SLC24A2: variants seen among roughly 807,000 people sequenced by gnomAD.
The protein encoded by SLC24A2 is sodium/potassium/calcium exchanger 2.
Under a neutral mutation model 62.0 loss-of-function variants are expected in SLC24A2, and 36 were observed. The ratio of observed to expected loss-of-function variants is 0.58; its 90% CI spans 0.44 to 0.77. The LOEUF (loss-of-function observed/expected upper bound fraction) is 0.77, where lower values mean the gene tolerates loss of function less well. Among genes scored for constraint, SLC24A2 ranks in the 30% least tolerant of loss-of-function variants. The probability of loss-of-function intolerance (pLI) is 0.00; values close to 1 mark genes in which losing one functional copy is unlikely to be tolerated. For synonymous variants in SLC24A2, 358 were observed against 294.0 expected (o/e 1.22, Z -2.23); for missense variants, 846 against 817.9 (o/e 1.03, Z -0.42).
At chr9:19,757,440 C>T (rs1215496323) in intron 2 of SLC24A2, among the ~76,000 whole-genome samples, 1 of 152,144 alleles carries the variant, frequency 6.6e-6, no homozygotes, top group Non-Finnish European at 1.5e-5. Flanking sequence ...CTTTCTCCTC[C>T]TCCTCCTTTG....
chr9:19,953,943 T>G, the SLC24A2 span, among the ~76,000 whole-genome samples: 1 of 152,016 alleles, frequency 6.6e-6, no homozygotes, highest in African/African-American at 2.4e-5. Flanking sequence ...ACTGTCCTAT[T>G]GATATTGAAT....
At chr9:20,274,885 G>C in the SLC24A2 span, among the ~76,000 whole-genome samples, 1 of 152,064 alleles carries the variant, frequency 6.6e-6, no homozygotes, top group African/African-American at 2.4e-5. Context: ...CTAGACATCA[G>C]TCACTGTGCC....
the SLC24A2 span, among the ~76,000 whole-genome samples, chr9:20,069,492 C>G: frequency 6.6e-6 from 1 of 152,096 alleles, no homozygotes; most frequent in Admixed American, 6.6e-5. Context: ...TGTCCTAAAG[C>G]AAATACTTGT....
chr9:19,573,519 CACACACACACAG>C (rs1296022733), intron 6 of SLC24A2, 50 bp from the exon 7 acceptor site: 13 of 320,732 alleles, frequency 4.1e-5, no homozygotes, highest in African/African-American at 3.5e-4. Flanking sequence ...CACACACACA[CACACACACACAG>C]AGAGAGAGAG....
At chr9:20,250,216 A>G in the SLC24A2 span, among the ~76,000 whole-genome samples, 1 of 152,218 alleles carries the variant, frequency 6.6e-6, no homozygotes, top group East Asian at 1.9e-4. Flanking sequence ...TGAGACTAGA[A>G]TAATAAATCA....
At chr9:19,768,438 T>G (rs763970298) in intron 2 of SLC24A2, among the ~76,000 whole-genome samples, 2 of 152,170 alleles carry the variant, frequency 1.3e-5, no homozygotes, top group African/African-American at 4.8e-5. Flanking sequence ...TTTGATATAG[T>G]AGCCTCCCCT....
chr9:19,867,271 A>C, the SLC24A2 span, among the ~76,000 whole-genome samples: 1 of 152,280 alleles, frequency 6.6e-6, no homozygotes, highest in African/African-American at 2.4e-5. Context: ...TTTTTCTTTA[A>C]GTAGCTTATA....
intron 2 of SLC24A2, among the ~76,000 whole-genome samples, chr9:19,627,336 T>A (rs1818059121): frequency 6.6e-6 from 1 of 152,134 alleles, no homozygotes; most frequent in Admixed American, 6.5e-5. Flanking sequence ...AGTAGAAAAA[T>A]TTTTTGAGAA....
chr9:20,254,144 T>C, the SLC24A2 span, among the ~76,000 whole-genome samples: 4 of 152,292 alleles, frequency 2.6e-5, no homozygotes, highest in South Asian at 8.3e-4. Flanking sequence ...TGTCTGTAAT[T>C]ACTACAACAT....
the SLC24A2 span, among the ~76,000 whole-genome samples, chr9:19,803,970 AG>A: frequency 6.6e-6 from 1 of 152,184 alleles, no homozygotes; most frequent in African/African-American, 2.4e-5. Context: ...TTAGTGAGGA[AG>A]AAATTTTATT....
At chr9:19,564,616 A>C (rs1835574804) in intron 7 of SLC24A2, among the ~76,000 whole-genome samples, 1 of 152,104 alleles carries the variant, frequency 6.6e-6, no homozygotes, top group African/African-American at 2.4e-5. Flanking sequence ...CCACAGGTGC[A>C]TTTGGGAAGC....
the SLC24A2 span, among the ~76,000 whole-genome samples, chr9:20,233,954 TGTAAA>T: frequency 6.6e-6 from 1 of 152,236 alleles, no homozygotes; most frequent in Non-Finnish European, 1.5e-5. Flanking sequence ...TTTGCTTGTC[TGTAAA>T]GTATTTTATT....
chr9:20,062,845 A>T, the SLC24A2 span, among the ~76,000 whole-genome samples: 2,395 of 126,436 alleles, frequency 0.019, 62 homozygotes, highest in African/African-American at 0.076. Flanking sequence ...ATGAACAGAC[A>T]CTTCTCAAAA....
At chr9:19,520,568 C>A (rs6475340) in intron 10 of SLC24A2, among the ~76,000 whole-genome samples, 124,186 of 151,990 alleles carry the variant, frequency 0.82, 51,677 homozygotes, top group East Asian at 1. Context: ...GAATGTGAAC[C>A]TTCTTATCAT....
the SLC24A2 span, among the ~76,000 whole-genome samples, chr9:19,816,418 G>A: frequency 6.6e-6 from 1 of 152,120 alleles, no homozygotes. Context: ...AGGTGCAAAG[G>A]TGTTTGAGAA....
chr9:19,958,627 C>T, the SLC24A2 span, among the ~76,000 whole-genome samples: 1 of 152,216 alleles, frequency 6.6e-6, no homozygotes, highest in Non-Finnish European at 1.5e-5. Context: ...CACAATCTCT[C>T]TGAGGCTGTT....
In SLC24A2 at chr9:19,560,931, AG is replaced by A. The variant is rs1835365977; in HGVS notation, c.1348-10664del. ...TATATATATATAGAGAGAGAGAGAGAGAGAGAGAGAGAGAGACAGAGTCTTA... is the reference window on the plus strand; with the variant it reads ...TATATATATATAGAGAGAGAGAGAGAAGAGAGAGAGAGAGACAGAGTCTTA... On this transcript the variant is annotated intron_variant, in intron 7 of 10. Coordinates refer to ENST00000341998, the MANE Select transcript of SLC24A2 (RefSeq NM_020344.4). Among the ~76,000 whole-genome samples, 5 of 147,982 alleles carry A rather than the reference AG, an allele frequency of 3.4e-5. 1 individual carries two copies. The highest frequency in any genetic ancestry group is 1.0e-4 in the African/African-American group (4 of 39,690).
the SLC24A2 span, among the ~76,000 whole-genome samples, chr9:19,832,958 G>A: frequency 2.0e-5 from 3 of 152,206 alleles, no homozygotes; most frequent in African/African-American, 7.2e-5. Context: ...CTCAAAAGAA[G>A]ACATTTATGC....
At chr9:20,161,948 A>G in the SLC24A2 span, among the ~76,000 whole-genome samples, 1 of 151,762 alleles carries the variant, frequency 6.6e-6, no homozygotes, top group Non-Finnish European at 1.5e-5. Context: ...TACATACAAC[A>G]AAATAATTAG....
Sources: allele counts gnomAD v4.1 joint callset (sites outside exome capture counted in the v4.1 genomes callset), GRCh38; gene constraint gnomAD v4.1.1; transcripts MANE v1.5; gene names NCBI Gene and HGNC (gene_info 2026-07-23, HGNC 2026-07-21).